Variants in CBR4 observed in about 807,000 individuals in gnomAD.
CBR4 encodes 3-oxoacyl-[acyl-carrier-protein] reductase.
In CBR4, 22 loss-of-function variants were observed where a neutral mutation model predicts 21.0. The ratio of observed to expected loss-of-function variants is 1.05; its 90% CI spans 0.75 to 1.50. The LOEUF is 1.50. Among genes scored for constraint, CBR4 ranks in the 40% most tolerant of loss-of-function variants. The pLI is 0.00. For synonymous variants in CBR4, 100 were observed against 104.4 expected (o/e 0.96, Z 0.26); for missense variants, 302 against 286.3 (o/e 1.05, Z -0.40).
chr4:168,961,244 C>T (rs1178873277), intron 2 of CBR4, among the ~76,000 whole-genome samples: 2 of 152,130 alleles, frequency 1.3e-5, no homozygotes, highest in African/African-American at 4.8e-5. Context: ...AGCTAAGTGC[C>T]AAGTTTTCAT....
At chr4:168,898,790 T>C (rs373721005) in intron 2 of CBR4, 15 of 900,854 alleles carry the variant, frequency 1.7e-5, no homozygotes, top group African/African-American at 1.5e-4. Flanking sequence ...AGCATGCCAG[T>C]AGGAGAAAGA....
chr4:168,963,005 C>T (rs1763908829), intron 2 of CBR4, among the ~76,000 whole-genome samples: 1 of 151,996 alleles, frequency 6.6e-6, no homozygotes, highest in Non-Finnish European at 1.5e-5. Context: ...AAGTATACTC[C>T]TCATTTTGAG....
At chr4:168,999,085 C>T (rs1730185083) in intron 4 of CBR4, among the ~76,000 whole-genome samples, 1 of 151,990 alleles carries the variant, frequency 6.6e-6, no homozygotes, top group African/African-American at 2.4e-5. Context: ...GTATGATTTC[C>T]CATGAACAGT....
rs113794451 is a variant in CBR4 at position 168,926,672 on chromosome 4, A to G, written n.170-31907T>C. Reference sequence around the variant, plus strand: ...AATGCCAAAATACTAAAGGAAATCAATTGTTCACAGGTAACTACAATTTGT... The same window carrying G: ...AATGCCAAAATACTAAAGGAAATCAGTTGTTCACAGGTAACTACAATTTGT... On this transcript the variant is annotated intron_variant and non_coding_transcript_variant, in intron 2 of 3. Coordinates refer to the CBR4 transcript ENST00000509108. The G allele has an allele frequency of 2.4e-3, 869 of 361,056 alleles. 1 individual carries two copies. The highest frequency in any genetic ancestry group is 5.5e-3 in the Middle Eastern group (7 of 1,278). The allele number at this position is 361,056 out of a possible 1,614,324, so 22.4% of individuals were successfully genotyped here.
chr4:168,929,677 T>A (rs1762909241), intron 2 of CBR4, among the ~76,000 whole-genome samples: 1 of 152,206 alleles, frequency 6.6e-6, no homozygotes, highest in Non-Finnish European at 1.5e-5. Flanking sequence ...GAATCCTAGC[T>A]CTTTTGATCA....
At chr4:168,940,698 G>C (rs1763239287) in intron 2 of CBR4, among the ~76,000 whole-genome samples, 1 of 152,124 alleles carries the variant, frequency 6.6e-6, no homozygotes, top group African/African-American at 2.4e-5. Context: ...CATCATCACT[G>C]GTCATTAGAG....
chr4:169,001,191 T>C (rs537671424), intron 4 of CBR4: 2 of 151,620 alleles, frequency 1.3e-5, no homozygotes, highest in East Asian at 1.9e-4. Context: ...CATCTTGCTA[T>C]GTTGCTCAGG....
chr4:168,926,937 C>G (rs1762647524), intron 2 of CBR4: 1 of 219,676 alleles, frequency 4.6e-6, no homozygotes, highest in African/African-American at 2.3e-5. Flanking sequence ...AAGGAAGGAA[C>G]TACTTGCCTT....
chr4:168,948,551 G>C (rs1324835811), intron 2 of CBR4, among the ~76,000 whole-genome samples: 1 of 152,138 alleles, frequency 6.6e-6, no homozygotes, highest in Non-Finnish European at 1.5e-5. Context: ...TATAAGGTGA[G>C]AAATGAGGAT....
At position 169,010,221 on chromosome 4, in the gene CBR4, A is replaced by T; in HGVS notation, c.-132T>A. ...AAAAGGCAAACCGCAAAAAAAAATAACGCCGCTCGACACCTCCTGCAGCCG... is the reference window on the plus strand; with the variant it reads ...AAAAGGCAAACCGCAAAAAAAAATATCGCCGCTCGACACCTCCTGCAGCCG... On this transcript the variant is annotated 5_prime_UTR_variant, in exon 1 of 5. Transcript: ENST00000306193. 2 of 778,542 alleles carry T rather than the reference A, an allele frequency of 2.6e-6. No homozygotes were observed. Among genetic ancestry groups the T allele is most frequent in the East Asian group, 3.0e-5 (1 of 33,658 alleles). 48.2% of individuals were successfully genotyped at this position (778,542 alleles called of 1,614,324 possible).
intron 2 of CBR4, among the ~76,000 whole-genome samples, chr4:168,979,973 C>G (rs1191728572): frequency 6.6e-6 from 1 of 152,114 alleles, no homozygotes; most frequent in Admixed American, 6.5e-5. Context: ...CCCCCAATTC[C>G]CCTGCTCTTC....
chr4:168,900,061 A>T lies in CBR4; in HGVS notation n.170-5296T>A, dbSNP rs566003365. ...AAGGCGAAGGCGAAAAAGGTGAATC[A>T]CACAGCAAGAGTAGGAGCAACAGAG... On this transcript the variant is annotated intron_variant and non_coding_transcript_variant, in intron 2 of 3. Transcript: ENST00000509108. Among the ~76,000 whole-genome samples, 4 of 152,350 alleles carry T rather than the reference A, an allele frequency of 2.6e-5. No individual in the cohort carries two copies. The East Asian group carries it at 7.7e-4, about 29-fold the overall frequency.
intron 2 of CBR4, among the ~76,000 whole-genome samples, chr4:168,917,976 G>A (rs960143093): frequency 3.3e-5 from 5 of 151,958 alleles, no homozygotes; most frequent in South Asian, 2.1e-4. Context: ...TGAGGCGGGC[G>A]GATCACGAGG....
At chr4:168,995,573 C>T (rs1765155167) in intron 4 of CBR4, among the ~76,000 whole-genome samples, 1 of 149,566 alleles carries the variant, frequency 6.7e-6, no homozygotes, top group African/African-American at 2.4e-5. Context: ...AGTCTGTGCT[C>T]TCTCTCCTTG....
At chr4:168,900,030 A>G (rs953447438) in intron 2 of CBR4, among the ~76,000 whole-genome samples, 4 of 152,206 alleles carry the variant, frequency 2.6e-5, no homozygotes, top group African/African-American at 7.2e-5. Flanking sequence ...GCTTACAATC[A>G]TGGTGAAGGC....
chr4:168,962,449 T>C (rs935513036), intron 2 of CBR4, among the ~76,000 whole-genome samples: 2 of 152,178 alleles, frequency 1.3e-5, no homozygotes, highest in African/African-American at 2.4e-5. Flanking sequence ...ATATGATTAA[T>C]GAGTAAATGT....
intron 2 of CBR4, among the ~76,000 whole-genome samples, chr4:168,895,996 G>A (rs1329145953): frequency 6.6e-6 from 1 of 152,166 alleles, no homozygotes; most frequent in African/African-American, 2.4e-5. Context: ...GATTACCTGA[G>A]GTCAGGAGTT....
At chr4:169,009,026 G>A (rs1171119481) in intron 1 of CBR4, 1 of 451,496 alleles carries the variant, frequency 2.2e-6, no homozygotes, top group Admixed American at 2.4e-5. Context: ...AGGAGTTGGG[G>A]TCCAGCACGG....
intron 2 of CBR4, among the ~76,000 whole-genome samples, chr4:168,950,406 G>A (rs1763507125): frequency 6.6e-6 from 1 of 152,134 alleles, no homozygotes; most frequent in Non-Finnish European, 1.5e-5. Flanking sequence ...GGTTTTGTAG[G>A]TTTCCCTTTT....
Sources: gnomAD v4.1 joint callset for allele counts (sites outside exome capture counted in the v4.1 genomes callset) on GRCh38, gnomAD v4.1.1 for gene constraint, MANE v1.5 for transcripts, NCBI Gene and HGNC (gene_info 2026-07-23, HGNC 2026-07-21) for gene names.